Variants in MAML3 observed in about 807,000 individuals in gnomAD.
MAML3 encodes the protein mastermind-like protein 3.
MAML3 carries 27 observed loss-of-function variants against 101.9 expected under a neutral mutation model. That is an observed-to-expected ratio of 0.27 (90% CI 0.20 to 0.37). MAML3 has a LOEUF of 0.37. MAML3 is among the 10% of genes least tolerant of loss of function. MAML3 has a pLI of 1.00. For missense variants in MAML3, 1,316 were observed against 1,444.9 expected, an observed-to-expected ratio of 0.91 and a Z score of 1.45; for synonymous variants, 501 against 555.9, an observed-to-expected ratio of 0.90 and a Z score of 1.39.
intron 1 of MAML3, among the ~76,000 whole-genome samples, chr4:139,989,089 C>T (rs541876337): frequency 1.2e-4 from 18 of 152,222 alleles, no homozygotes; most frequent in African/African-American, 4.1e-4. Flanking sequence ...CCCTTCTCGA[C>T]GATTTATAAA....
At chr4:140,108,028 T>C (rs7669732) in intron 1 of MAML3, among the ~76,000 whole-genome samples, 3,191 of 152,184 alleles carry the variant, frequency 0.021, 111 homozygotes, top group African/African-American at 0.071. Context: ...ACAACCATCA[T>C]CTTTGAATCC....
intron 2 of MAML3, among the ~76,000 whole-genome samples, chr4:139,773,837 A>C (rs6848976): frequency 0.067 from 10,160 of 152,190 alleles, 761 homozygotes; most frequent in African/African-American, 0.18. Flanking sequence ...TGGCTTTGGA[A>C]CTCAGATTTG....
chr4:140,047,756 T>C lies in MAML3; in HGVS notation c.468+105104A>G, dbSNP rs187976439. On this transcript the variant is annotated intron_variant, in intron 1 of 4. Coordinates refer to ENST00000509479, the MANE Select transcript of MAML3 (RefSeq NM_018717.5). ...TGGGCACAGCAGAAGATGGACGCGCTGCTCAGATCTAAGCATTTGGATACC... is the reference window on the plus strand; with the variant it reads ...TGGGCACAGCAGAAGATGGACGCGCCGCTCAGATCTAAGCATTTGGATACC... Among the ~76,000 whole-genome samples, 78 of 127,936 alleles carry C rather than the reference T, an allele frequency of 6.1e-4. 1 individual carries two copies. The highest frequency in any genetic ancestry group is 5.7e-3 in the East Asian group (22 of 3,866). The allele number at this position is 127,936 out of a possible 152,430, so 83.9% of individuals were successfully genotyped here. A position where few individuals can be genotyped will look rare whatever the true frequency, so the allele number is the denominator to read the frequency against.
intron 2 of MAML3, among the ~76,000 whole-genome samples, chr4:139,862,907 C>A (rs531244020): frequency 5.9e-5 from 9 of 152,090 alleles, no homozygotes; most frequent in Non-Finnish European, 1.2e-4. Context: ...CAAAATACAT[C>A]GAGTTTCACT....
intron 2 of MAML3, among the ~76,000 whole-genome samples, chr4:139,732,725 G>A (rs907242019): frequency 6.6e-6 from 1 of 152,078 alleles, no homozygotes; most frequent in Non-Finnish European, 1.5e-5. Context: ...TCTCAATTCA[G>A]TATTCCTACT....
At position 139,975,279 on chromosome 4, in the gene MAML3, G is replaced by A. The variant is rs141698832; in HGVS notation, c.469-84312C>T. Among the ~76,000 whole-genome samples, 116 of 152,182 alleles carry A rather than the reference G, an allele frequency of 7.6e-4. 3 individuals are homozygous for A. The East Asian group carries it at 0.019, about 25-fold the overall frequency. On this transcript the variant is annotated intron_variant, in intron 1 of 4. Transcript: ENST00000509479. The stretch of plus-strand genomic sequence containing the variant: ...GCACACTTCAAGCATTTTCACATGC[G>A]TTTCCTCTGCCTAGACTGCTCTTTC...
intron 1 of MAML3, among the ~76,000 whole-genome samples, chr4:140,029,092 G>A (rs1342598656): frequency 6.6e-6 from 1 of 152,174 alleles, no homozygotes; most frequent in Non-Finnish European, 1.5e-5. Flanking sequence ...CCAGCTAAAT[G>A]GTCAGAGACT....
chr4:140,082,707 C>A (rs981828138), intron 1 of MAML3, among the ~76,000 whole-genome samples: 4 of 152,038 alleles, frequency 2.6e-5, no homozygotes, highest in Non-Finnish European at 1.5e-5. Flanking sequence ...CGCACCCCCA[C>A]CAGGCTTTCC....
intron 2 of MAML3, among the ~76,000 whole-genome samples, chr4:139,862,093 C>T (rs3113995): frequency 0.55 from 83,388 of 152,004 alleles, 25,747 homozygotes; most frequent in African/African-American, 0.83. Context: ...CCTGTAATCC[C>T]AGCTACTTGG....
At position 140,153,112 on chromosome 4, in the gene MAML3, G is replaced by A. The variant is rs940248280; in HGVS notation, c.216C>T (p.Thr72=). The change falls in exon 1 of 5, where the codon ACC becomes ACT. Residue 72 remains threonine (T), a synonymous_variant. Coordinates refer to ENST00000509479, the MANE Select transcript of MAML3 (RefSeq NM_018717.5). The part of the protein sequence containing the change: ...GGSAAVPKHS[T]VVERLRQRIE... ...TGCGCTGGCGGAGCCGCTCCACCAC[G>A]GTGCTGTGCTTGGGAACGGCCGCCG... 9 of 1,551,438 alleles carry A rather than the reference G, an allele frequency of 5.8e-6. No homozygotes were observed. In the East Asian group the frequency reaches 2.0e-4, roughly 34 times the overall value.
At position 140,153,497 on chromosome 4, in the gene MAML3, T is replaced by TG; in HGVS notation, c.-171dup. On this transcript the variant is annotated 5_prime_UTR_variant, in exon 1 of 5. Coordinates refer to ENST00000509479, the MANE Select transcript of MAML3 (RefSeq NM_018717.5). ...GCGAAAAAAACGGGGGGGGAGATTTTGGGGTGGTTTTTGTTTCCTTTTTTT... is the reference window on the plus strand; with the variant it reads ...GCGAAAAAAACGGGGGGGGAGATTTTGGGGGTGGTTTTTGTTTCCTTTTTTT... 3 of 726,542 alleles carry TG rather than the reference T, an allele frequency of 4.1e-6. No homozygotes were observed. The South Asian group carries it at 7.2e-5, about 17-fold the overall frequency. 45.0% of individuals were successfully genotyped at this position (726,542 alleles called of 1,614,324 possible). A position where few individuals can be genotyped will look rare whatever the true frequency, so the allele number is the denominator to read the frequency against.
intron 1 of MAML3, among the ~76,000 whole-genome samples, chr4:139,926,324 C>A (rs1173168509): frequency 1.3e-5 from 2 of 152,052 alleles, no homozygotes; most frequent in East Asian, 1.9e-4. Flanking sequence ...TAGGGCCAGG[C>A]GCAGTGGCTC....
intron 1 of MAML3, chr4:140,133,242 C>G (rs1728826117): frequency 3.9e-5 from 13 of 336,254 alleles, no homozygotes; most frequent in South Asian, 3.1e-4. Context: ...CTTTCCTGAA[C>G]CTAAAACTAC....
intron 1 of MAML3, among the ~76,000 whole-genome samples, chr4:140,049,817 G>T (rs1158296710): frequency 6.6e-6 from 1 of 152,032 alleles, no homozygotes; most frequent in African/African-American, 2.4e-5. Context: ...TCACACCAGG[G>T]TGTTACTAGA....
chr4:139,865,573 T>C (rs542673366), intron 2 of MAML3, among the ~76,000 whole-genome samples: 4 of 151,862 alleles, frequency 2.6e-5, no homozygotes, highest in African/African-American at 9.7e-5. Context: ...TGGTCCAGGT[T>C]CTGGGCTTCT....
chr4:139,801,112 T>A (rs191835968), intron 2 of MAML3, among the ~76,000 whole-genome samples: 256 of 152,292 alleles, frequency 1.7e-3, no homozygotes, highest in Admixed American at 2.2e-3. Flanking sequence ...GAGCTCCCTA[T>A]GGGATGTGCC....
intron 1 of MAML3, among the ~76,000 whole-genome samples, chr4:139,927,220 GGCTT>G (rs1486390497): frequency 2.0e-5 from 3 of 151,980 alleles, no homozygotes; most frequent in Non-Finnish European, 4.4e-5. Context: ...CACCATACCT[GGCTT>G]GTTTAATGGA....
At chr4:139,888,857 G>A (rs1014841172) in intron 2 of MAML3, among the ~76,000 whole-genome samples, 2 of 152,166 alleles carry the variant, frequency 1.3e-5, no homozygotes, top group African/African-American at 4.8e-5. Context: ...TGAAAATCCA[G>A]AAAGCTCTCC....
rs1221963587 is a variant in MAML3 at position 140,069,393 on chromosome 4, G to A, written c.468+83467C>T. On this transcript the variant is annotated intron_variant, in intron 1 of 4. Coordinates refer to ENST00000509479, the MANE Select transcript of MAML3 (RefSeq NM_018717.5). ...GAAGAAGAAGAAGAAGAAGGAGGAG[G>A]AGGAGGAGGAGGAGGAGGAGGAGGA... Among the ~76,000 whole-genome samples the A allele has an allele frequency of 2.4e-3, 240 of 100,028 alleles. 5 individuals are homozygous for A. The highest frequency in any genetic ancestry group is 8.9e-3 in the African/African-American group (218 of 24,450). 65.6% of individuals were successfully genotyped at this position (100,028 alleles called of 152,430 possible).
Sources: gnomAD v4.1 joint callset for allele counts (sites outside exome capture counted in the v4.1 genomes callset) on GRCh38, gnomAD v4.1.1 for gene constraint, MANE v1.5 for transcripts, NCBI Gene and HGNC (gene_info 2026-07-23, HGNC 2026-07-21) for gene names.